SCP2: variants seen among roughly 807,000 people sequenced by gnomAD.
SCP2 encodes the protein sterol carrier protein 2, also known as SCP-2/3-oxoacyl-CoA thiolase.
In SCP2, 48 loss-of-function variants were observed where a neutral mutation model predicts 71.4. That is an observed-to-expected ratio of 0.67 (90% CI 0.53 to 0.86). The LOEUF (loss-of-function observed/expected upper bound fraction) is 0.86, where lower values mean the gene tolerates loss of function less well. Among genes scored for constraint, SCP2 ranks in the 40% least tolerant of loss-of-function variants. The pLI, the probability that SCP2 is intolerant of heterozygous loss-of-function variation, is 0.00. For missense variants in SCP2, 560 were observed against 655.6 expected (o/e 0.85, Z 1.59); for synonymous variants, 220 against 218.1 (o/e 1.01, Z -0.08).
chr1:52,993,382 C>T (rs879197428), intron 11 of SCP2: 20 of 1,614,170 alleles, frequency 1.2e-5, no homozygotes, highest in Admixed American at 1.2e-4. Context: ...GTGCTAACTG[C>T]CGTCCTTCTT....
chr1:52,957,517 T>C (rs1487714683), intron 5 of SCP2, among the ~76,000 whole-genome samples: 1 of 152,216 alleles, frequency 6.6e-6, no homozygotes, highest in Non-Finnish European at 1.5e-5. Context: ...TAAAAAACCT[T>C]TGTAAATATA....
At chr1:52,930,828 TA>T (rs1211187204) in intron 1 of SCP2, among the ~76,000 whole-genome samples, 1 of 152,240 alleles carries the variant, frequency 6.6e-6, no homozygotes, top group Non-Finnish European at 1.5e-5. Flanking sequence ...CTGCCTTTCT[TA>T]AAATCTTGTG....
chr1:52,928,016 T>G (rs947098835), intron 1 of SCP2, among the ~76,000 whole-genome samples: 4 of 152,232 alleles, frequency 2.6e-5, no homozygotes, highest in Non-Finnish European at 5.9e-5. Flanking sequence ...CCAAACTGCC[T>G]TTCGTTTCTC....
intron 12 of SCP2, among the ~76,000 whole-genome samples, chr1:53,026,183 A>T (rs1005079629): frequency 6.6e-6 from 1 of 152,164 alleles, no homozygotes; most frequent in South Asian, 2.1e-4. Context: ...TAATACATTC[A>T]TGTAATTTGT....
intron 1 of SCP2, among the ~76,000 whole-genome samples, chr1:52,933,243 C>T (rs564105732): frequency 2.4e-4 from 36 of 152,190 alleles, no homozygotes; most frequent in African/African-American, 7.5e-4. Flanking sequence ...TTCTCACTTA[C>T]CAAAGTTGAG....
chr1:52,968,215 A>T (rs967959860), intron 6 of SCP2, among the ~76,000 whole-genome samples: 33 of 152,170 alleles, frequency 2.2e-4, no homozygotes, highest in African/African-American at 8.0e-4. Context: ...GTGCCAGATT[A>T]CAGGTGTTAG....
At chr1:53,032,372 A>G (rs1469039746) in intron 13 of SCP2, among the ~76,000 whole-genome samples, 1 of 152,190 alleles carries the variant, frequency 6.6e-6, no homozygotes, top group Non-Finnish European at 1.5e-5. Flanking sequence ...AAAAAGCAAC[A>G]TGGGTTTATG....
intron 1 of SCP2, among the ~76,000 whole-genome samples, chr1:52,929,893 G>A (rs1379158524): frequency 6.6e-6 from 1 of 152,208 alleles, no homozygotes; most frequent in Non-Finnish European, 1.5e-5. Context: ...AAAGTGCTGG[G>A]ATTACAGGCG....
intron 11 of SCP2, among the ~76,000 whole-genome samples, chr1:52,989,948 T>G (rs997496842): frequency 2.6e-5 from 4 of 152,168 alleles, no homozygotes; most frequent in Admixed American, 2.6e-4. Context: ...CTTGGGGCTC[T>G]GCACAAGCAA....
chr1:53,023,173 CT>C (rs1661872027), intron 12 of SCP2, among the ~76,000 whole-genome samples: 1 of 152,142 alleles, frequency 6.6e-6, no homozygotes, highest in Admixed American at 6.6e-5. Context: ...TACATATTAA[CT>C]TTTAATCTGG....
At chr1:53,013,226 C>T (rs1217467048) in intron 11 of SCP2, among the ~76,000 whole-genome samples, 3 of 150,950 alleles carry the variant, frequency 2.0e-5, no homozygotes, top group African/African-American at 7.3e-5. Context: ...GGCCATCCTC[C>T]TTCCTCAGCC....
At chr1:52,970,887 G>A (rs1469454026) in intron 6 of SCP2, among the ~76,000 whole-genome samples, 1 of 144,972 alleles carries the variant, frequency 6.9e-6, no homozygotes, top group African/African-American at 2.6e-5. Flanking sequence ...CTATTTTCTA[G>A]TTATGCTGAG....
At chr1:53,010,020 T>C (rs1410329270) in intron 11 of SCP2, among the ~76,000 whole-genome samples, 2 of 152,048 alleles carry the variant, frequency 1.3e-5, no homozygotes, top group Non-Finnish European at 1.5e-5. Flanking sequence ...AACAGACACA[T>C]GAAAAAATGC....
At chr1:52,985,354 C>T (rs1488383786) in intron 10 of SCP2, among the ~76,000 whole-genome samples, 3 of 152,158 alleles carry the variant, frequency 2.0e-5, no homozygotes, top group Non-Finnish European at 4.4e-5. Flanking sequence ...AACCATCAGG[C>T]TTGAATTCTT....
intron 5 of SCP2, among the ~76,000 whole-genome samples, chr1:52,959,036 C>T (rs12090238): frequency 0.026 from 3,931 of 152,102 alleles, 169 homozygotes; most frequent in African/African-American, 0.088. Flanking sequence ...AGTTTTAATA[C>T]GAGAATAATG....
chr1:53,011,304 G>A (rs964616218), intron 11 of SCP2, among the ~76,000 whole-genome samples: 1 of 152,180 alleles, frequency 6.6e-6, no homozygotes, highest in Non-Finnish European at 1.5e-5. Flanking sequence ...AGGAGGAAAA[G>A]ACCTCAGAGA....
chr1:52,992,096 G>T (rs532255845), intron 11 of SCP2, among the ~76,000 whole-genome samples: 95 of 152,302 alleles, frequency 6.2e-4, no homozygotes, highest in African/African-American at 2.2e-3. Flanking sequence ...TGTTGGGAAG[G>T]TTTCTTGAGT....
intron 11 of SCP2, among the ~76,000 whole-genome samples, chr1:53,003,956 A>G (rs1660474521): frequency 6.6e-6 from 1 of 152,200 alleles, no homozygotes; most frequent in South Asian, 2.1e-4. Flanking sequence ...AAGCACTTGT[A>G]TGCACATCTG....
chr1:52,938,333 T>G (rs1163162066), intron 1 of SCP2, among the ~76,000 whole-genome samples: 2 of 152,262 alleles, frequency 1.3e-5, no homozygotes, highest in African/African-American at 4.8e-5. Context: ...TATTTTATTT[T>G]GGTTTGCAGT....
Sources: gnomAD v4.1 joint callset for allele counts (sites outside exome capture counted in the v4.1 genomes callset) on GRCh38, gnomAD v4.1.1 for gene constraint, MANE v1.5 for transcripts, NCBI Gene and HGNC (gene_info 2026-07-23, HGNC 2026-07-21) for gene names.